CCNY: variants seen among roughly 807,000 people sequenced by gnomAD.
The protein encoded by CCNY is cyclin-Y.
Under a neutral mutation model 42.8 loss-of-function variants are expected in CCNY, and 19 were observed. That is an observed-to-expected ratio of 0.44 (90% confidence interval 0.31 to 0.65). The LOEUF (loss-of-function observed/expected upper bound fraction) is 0.65. CCNY is among the 30% of genes least tolerant of loss of function. The pLI, the probability that CCNY is intolerant of heterozygous loss-of-function variation, is 0.07. For synonymous variants in CCNY, 165 were observed against 162.7 expected, an observed-to-expected ratio of 1.01 and a Z score of -0.11; for missense variants, 370 against 437.3, an observed-to-expected ratio of 0.85 and a Z score of 1.37.
At chr10:35,280,478 A>AGAAGGAAGGAAG (rs144433317) in intron 3 of CCNY, among the ~76,000 whole-genome samples, 5 of 148,410 alleles carry the variant, frequency 3.4e-5, no homozygotes, top group African/African-American at 7.5e-5. Context: ...AAGGAAGGAA[A>AGAAGGAAGGAAG]GAAGGAAGGA....
chr10:35,494,288 G>C (rs1357028075), intron 2 of CCNY, among the ~76,000 whole-genome samples: 1 of 147,110 alleles, frequency 6.8e-6, no homozygotes, highest in African/African-American at 2.5e-5. Flanking sequence ...TAAAGAAAGA[G>C]TTGCTTCAAC....
At chr10:35,277,854 C>A (rs1287872883) in intron 3 of CCNY, among the ~76,000 whole-genome samples, 1 of 152,104 alleles carries the variant, frequency 6.6e-6, no homozygotes, top group Non-Finnish European at 1.5e-5. Context: ...GCCTGTGCAC[C>A]CCAATTGGCC....
chr10:35,491,873 C>T (rs1839905509), intron 2 of CCNY, among the ~76,000 whole-genome samples: 1 of 151,796 alleles, frequency 6.6e-6, no homozygotes, highest in Non-Finnish European at 1.5e-5. Flanking sequence ...CTCGGCCCTC[C>T]AAAGTGCTGG....
chr10:35,255,389 C>T (rs1355543652), intron 3 of CCNY, among the ~76,000 whole-genome samples: 1 of 150,436 alleles, frequency 6.6e-6, no homozygotes, highest in Admixed American at 6.7e-5. Flanking sequence ...GGCACGATCT[C>T]GGCTCATTTC....
At chr10:35,293,797 T>C (rs1353446424) in intron 3 of CCNY, among the ~76,000 whole-genome samples, 3 of 151,520 alleles carry the variant, frequency 2.0e-5, no homozygotes, top group African/African-American at 7.3e-5. Flanking sequence ...GATTTTTTTT[T>C]TTTTTTTTTG....
At chr10:35,536,054 C>A (rs916963829) in intron 7 of CCNY, among the ~76,000 whole-genome samples, 1 of 152,150 alleles carries the variant, frequency 6.6e-6, no homozygotes, top group Non-Finnish European at 1.5e-5. Flanking sequence ...GGCTGTGTCC[C>A]CACCCAAATC....
At chr10:35,377,916 A>T (rs896013551) in intron 1 of CCNY, among the ~76,000 whole-genome samples, 2 of 152,180 alleles carry the variant, frequency 1.3e-5, no homozygotes, top group Non-Finnish European at 2.9e-5. Flanking sequence ...CTTTTGTGCT[A>T]TGTTGCTTTG....
chr10:35,496,803 G>A (rs1399178450), intron 2 of CCNY, among the ~76,000 whole-genome samples: 1 of 152,226 alleles, frequency 6.6e-6, no homozygotes, highest in Non-Finnish European at 1.5e-5. Flanking sequence ...TAGGTTGAAA[G>A]TTGTATTTTA....
chr10:35,317,553 G>A (rs1445603322), intron 3 of CCNY, among the ~76,000 whole-genome samples: 2 of 152,184 alleles, frequency 1.3e-5, no homozygotes, highest in African/African-American at 2.4e-5. Flanking sequence ...ATTCCAAGCT[G>A]GTTTCTGACC....
intron 3 of CCNY, among the ~76,000 whole-genome samples, chr10:35,267,119 G>A (rs2095726352): frequency 6.7e-6 from 1 of 150,216 alleles, no homozygotes; most frequent in East Asian, 2.0e-4. Flanking sequence ...TGTGGGTAAT[G>A]AGGGCACATA....
At chr10:35,522,119 A>G (rs897561080) in intron 4 of CCNY, among the ~76,000 whole-genome samples, 1 of 152,192 alleles carries the variant, frequency 6.6e-6, no homozygotes, top group African/African-American at 2.4e-5. Flanking sequence ...AACCCTGGGC[A>G]CTGCCTCTAG....
At position 35,471,258 on chromosome 10, in the gene CCNY, G is replaced by A. The variant is rs368297088; in HGVS notation, c.155-12146G>A. Among the ~76,000 whole-genome samples the A allele has an allele frequency of 1.6e-4, 25 of 152,206 alleles. No homozygotes were observed. In the South Asian group the frequency reaches 5.0e-3, roughly 30 times the overall value. ...AGTGCAGAGAAAGGGGGATGCGAGG[G>A]GCTTGCGAGGGGGAGGGGATAGTTT... On this transcript the variant is annotated intron_variant, in intron 1 of 9. Transcript: ENST00000374704.
At chr10:35,479,200 A>G (rs1297928009) in intron 1 of CCNY, among the ~76,000 whole-genome samples, 4 of 151,748 alleles carry the variant, frequency 2.6e-5, no homozygotes, top group African/African-American at 9.7e-5. Flanking sequence ...CAGTGTGGTG[A>G]TTCCTCAGGG....
chr10:35,561,567 TCA>T (rs1841467134), intron 8 of CCNY, among the ~76,000 whole-genome samples: 2 of 152,196 alleles, frequency 1.3e-5, no homozygotes, highest in South Asian at 4.1e-4. Flanking sequence ...GGGAGAGGGC[TCA>T]CAGGTTTCAG....
chr10:35,453,430 T>A (rs1252447538), intron 1 of CCNY, among the ~76,000 whole-genome samples: 1 of 152,230 alleles, frequency 6.6e-6, no homozygotes, highest in African/African-American at 2.4e-5. Flanking sequence ...CTTTTTCCTT[T>A]ATAATCAATA....
chr10:35,324,842 T>C (rs1835861269), intron 3 of CCNY, among the ~76,000 whole-genome samples: 1 of 152,228 alleles, frequency 6.6e-6, no homozygotes, highest in South Asian at 2.1e-4. Context: ...TTAGCCTATA[T>C]TTATCCTTCA....
intron 8 of CCNY, among the ~76,000 whole-genome samples, chr10:35,563,154 G>A (rs530563358): frequency 3.3e-5 from 5 of 152,180 alleles, no homozygotes; most frequent in African/African-American, 1.2e-4. Context: ...TGCTGCTGCA[G>A]TTTGGAAATT....
chr10:35,376,121 C>T (rs1426933270), intron 1 of CCNY, among the ~76,000 whole-genome samples: 1 of 152,190 alleles, frequency 6.6e-6, no homozygotes, highest in African/African-American at 2.4e-5. Context: ...ACTTTTATCT[C>T]AGCATCCCTC....
intron 7 of CCNY, among the ~76,000 whole-genome samples, chr10:35,547,847 AG>A (rs762053500): frequency 1.3e-5 from 2 of 152,160 alleles, no homozygotes; most frequent in Admixed American, 6.5e-5. Flanking sequence ...TCCAGGGAAG[AG>A]GCCCTTACAC....
Sources: gnomAD v4.1 joint callset for allele counts (sites outside exome capture counted in the v4.1 genomes callset) on GRCh38, gnomAD v4.1.1 for gene constraint, MANE v1.5 for transcripts, NCBI Gene and HGNC (gene_info 2026-07-23, HGNC 2026-07-21) for gene names.